KLHL1: variants seen among roughly 807,000 people sequenced by gnomAD.
The protein encoded by KLHL1 is kelch like family member 1, also known as kelch-like protein 1.
In KLHL1, 47 loss-of-function variants were observed where a neutral mutation model predicts 77.7. The ratio of observed to expected loss-of-function variants is 0.60; its 90% CI spans 0.48 to 0.77. KLHL1 has a LOEUF of 0.77. Among genes scored for constraint, KLHL1 ranks in the 30% least tolerant of loss-of-function variants. The probability of loss-of-function intolerance (pLI) is 0.00; values close to 1 mark genes in which losing one functional copy is unlikely to be tolerated. For missense variants in KLHL1, 925 were observed against 910.8 expected (o/e 1.02, Z -0.20); for synonymous variants, 360 against 325.2 (o/e 1.11, Z -1.15).
intron 1 of KLHL1, among the ~76,000 whole-genome samples, chr13:70,081,289 A>G (rs1157552525): frequency 2.0e-5 from 3 of 152,182 alleles, no homozygotes; most frequent in Admixed American, 1.3e-4. Flanking sequence ...AACCGTACAC[A>G]TATTTATTAT....
intron 1 of KLHL1, among the ~76,000 whole-genome samples, chr13:70,001,341 T>C (rs1885282316): frequency 6.6e-6 from 1 of 151,248 alleles, no homozygotes; most frequent in African/African-American, 2.4e-5. Flanking sequence ...AGAGGTCATA[T>C]GTTATATGAA....
rs116788337 is a variant in KLHL1, at chr13:69,939,492, C to T, written c.1014+548G>A. Among the ~76,000 whole-genome samples the T allele has an allele frequency of 3.7e-3, 561 of 150,960 alleles. 3 individuals are homozygous for T. The highest frequency in any genetic ancestry group is 0.012 in the African/African-American group (483 of 41,108). On this transcript the variant is annotated intron_variant, in intron 4 of 10. Transcript: ENST00000377844. ...CCACACCAAGTACAATATGCTGTGA[C>T]GGAGAGGTTTAAAAAATGCAGAAAA...
chr13:70,053,054 T>A (rs1283839900), intron 1 of KLHL1, among the ~76,000 whole-genome samples: 1 of 151,816 alleles, frequency 6.6e-6, no homozygotes, highest in Admixed American at 6.6e-5. Context: ...AGACAAAAAT[T>A]TTTGTATGCA....
At chr13:70,079,663 T>G (rs558344109) in intron 1 of KLHL1, among the ~76,000 whole-genome samples, 2 of 152,332 alleles carry the variant, frequency 1.3e-5, no homozygotes, top group Admixed American at 1.3e-4. Flanking sequence ...TATAATATTC[T>G]GGATGCTGTT....
In KLHL1 at chr13:69,855,343, GATAGACAGACAGAT is replaced by G. The variant is rs1879856783; in HGVS notation, c.1228-16195_1228-16182del. Among the ~76,000 whole-genome samples, 4 of 78,866 alleles carry G rather than the reference GATAGACAGACAGAT, an allele frequency of 5.1e-5. No homozygotes were observed. The South Asian group carries it at 1.4e-3, about 29-fold the overall frequency. The allele number at this position is 78,866 out of a possible 152,430, so 51.7% of individuals were successfully genotyped here. On this transcript the variant is annotated intron_variant, in intron 5 of 10. Transcript: ENST00000377844. ...AGATAGATAGATAGATAGATAGATAGATAGACAGACAGATAGATACATAGAGAGATAGATCTATA... is the reference window on the plus strand; with the variant it reads ...AGATAGATAGATAGATAGATAGATAGAGATACATAGAGAGATAGATCTATA...
chr13:69,714,011 C>T (rs1485744622), intron 9 of KLHL1, among the ~76,000 whole-genome samples: 4 of 152,038 alleles, frequency 2.6e-5, no homozygotes, highest in African/African-American at 9.7e-5. Context: ...TGCTTAATGT[C>T]TATTTTAAAT....
intron 7 of KLHL1, among the ~76,000 whole-genome samples, chr13:69,768,615 G>T (rs1875422067): frequency 6.6e-6 from 1 of 152,068 alleles, no homozygotes; most frequent in Admixed American, 6.5e-5. Context: ...AAATTATACT[G>T]ATTCTGCATT....
At chr13:70,105,139 T>C (rs1888019022) in intron 1 of KLHL1, among the ~76,000 whole-genome samples, 1 of 152,000 alleles carries the variant, frequency 6.6e-6, no homozygotes, top group African/African-American at 2.4e-5. Context: ...CATAAGATAA[T>C]TTGATTCCAA....
chr13:69,880,237 GT>G, intron 5 of KLHL1, among the ~76,000 whole-genome samples: 1 of 152,176 alleles, frequency 6.6e-6, no homozygotes, highest in Middle Eastern at 3.4e-3. Context: ...CTTTGCATCT[GT>G]TTTTTAATAT....
intron 1 of KLHL1, among the ~76,000 whole-genome samples, chr13:70,021,685 T>C (rs1385073298): frequency 2.0e-5 from 3 of 152,056 alleles, no homozygotes; most frequent in Admixed American, 2.0e-4. Context: ...AGTTCTGGAT[T>C]TGGGGCATCC....
chr13:70,099,727 T>C (rs1315857583), intron 1 of KLHL1, among the ~76,000 whole-genome samples: 1 of 152,056 alleles, frequency 6.6e-6, no homozygotes, highest in African/African-American at 2.4e-5. Context: ...TTAATCGTAG[T>C]TTAATGAAAG....
At chr13:69,745,691 A>G (rs1056133568) in intron 7 of KLHL1, among the ~76,000 whole-genome samples, 3 of 151,994 alleles carry the variant, frequency 2.0e-5, no homozygotes, top group Admixed American at 6.6e-5. Flanking sequence ...GACAAGCATA[A>G]CTAAAATAGA....
intron 7 of KLHL1, among the ~76,000 whole-genome samples, chr13:69,759,265 T>C (rs1007078517): frequency 1.3e-5 from 2 of 152,158 alleles, no homozygotes; most frequent in Non-Finnish European, 2.9e-5. Flanking sequence ...CAGTAAGATG[T>C]GTGCAAGGCT....
chr13:69,784,832 G>A (rs982085819), intron 7 of KLHL1, among the ~76,000 whole-genome samples: 21 of 149,686 alleles, frequency 1.4e-4, no homozygotes, highest in Non-Finnish European at 1.9e-4. Context: ...GCACCAAGCG[G>A]ACCTAATAGA....
intron 8 of KLHL1, among the ~76,000 whole-genome samples, chr13:69,737,187 C>G (rs1011247254): frequency 6.6e-6 from 1 of 152,224 alleles, no homozygotes; most frequent in East Asian, 1.9e-4. Flanking sequence ...ATCCACAGAT[C>G]AGGAGGTCCC....
At chr13:69,761,201 G>A (rs9564605) in intron 7 of KLHL1, among the ~76,000 whole-genome samples, 36,279 of 152,128 alleles carry the variant, frequency 0.24, 4,398 homozygotes, top group South Asian at 0.31. Context: ...GAGTGACTCC[G>A]GGGCTGCCAC....
chr13:69,920,336 G>C (rs1882592111), intron 4 of KLHL1, among the ~76,000 whole-genome samples: 1 of 152,148 alleles, frequency 6.6e-6, no homozygotes, highest in Non-Finnish European at 1.5e-5. Flanking sequence ...AAATAAAAAT[G>C]TTAAAAGATC....
At chr13:70,037,147 C>T (rs1162770065) in intron 1 of KLHL1, among the ~76,000 whole-genome samples, 2 of 151,838 alleles carry the variant, frequency 1.3e-5, no homozygotes, top group African/African-American at 4.8e-5. Flanking sequence ...ACATTTTTTG[C>T]TCATAAATAC....
intron 8 of KLHL1, among the ~76,000 whole-genome samples, chr13:69,729,359 T>C (rs1044577311): frequency 4.6e-5 from 7 of 152,212 alleles, no homozygotes; most frequent in Admixed American, 3.9e-4. Flanking sequence ...CTTGGTTTTT[T>C]CTTCCACAAG....
Sources: allele counts gnomAD v4.1 joint callset (sites outside exome capture counted in the v4.1 genomes callset), GRCh38; gene constraint gnomAD v4.1.1; transcripts MANE v1.5; gene names NCBI Gene and HGNC (gene_info 2026-07-23, HGNC 2026-07-21).